Variants in SDK1 observed in about 807,000 individuals in gnomAD.
SDK1 encodes the protein sidekick cell adhesion molecule 1, also known as protein sidekick-1.
SDK1 carries 157 observed loss-of-function variants against 245.5 expected under a neutral mutation model. The ratio of observed to expected loss-of-function variants is 0.64; its 90% CI spans 0.56 to 0.73. The LOEUF (loss-of-function observed/expected upper bound fraction) is 0.73, where lower values mean the gene tolerates loss of function less well. Ranked by LOEUF, SDK1 falls within the 30% of genes least tolerant of loss-of-function variation. The probability of loss-of-function intolerance (pLI) is 0.00; values close to 1 mark genes in which losing one functional copy is unlikely to be tolerated. For missense variants in SDK1, 3,583 were observed against 3,002.3 expected, an observed-to-expected ratio of 1.19 and a Z score of -4.52; for synonymous variants, 1,647 against 1,278.5, an observed-to-expected ratio of 1.29 and a Z score of -6.15.
chr7:3,843,527 T>A (rs1181372159), intron 5 of SDK1, among the ~76,000 whole-genome samples: 1 of 152,258 alleles, frequency 6.6e-6, no homozygotes. Flanking sequence ...TATTCCTTCA[T>A]TAGTTTTAAT....
intron 5 of SDK1, among the ~76,000 whole-genome samples, chr7:3,928,743 C>T (rs1050534051): frequency 4.6e-5 from 7 of 152,186 alleles, no homozygotes; most frequent in Non-Finnish European, 7.3e-5. Flanking sequence ...CAGTACCTCA[C>T]ATGCATTCTC....
chr7:3,765,684 C>A (rs917829142), intron 4 of SDK1, among the ~76,000 whole-genome samples: 2 of 152,170 alleles, frequency 1.3e-5, no homozygotes, highest in African/African-American at 4.8e-5. Context: ...GTGTAGTCAG[C>A]CATCAGAATT....
chr7:3,767,797 C>G lies in SDK1; in HGVS notation c.714-53653C>G, dbSNP rs534971618. 1.6e-4 allele frequency among the ~76,000 whole-genome samples: 24 copies of G among 152,140 alleles called. No homozygotes were observed. In the South Asian group the frequency reaches 4.6e-3, roughly 29 times the overall value. Reference sequence around the variant, plus strand: ...CCTCAAAAAACAAACAAACAAAAAACAACTTAGGAATCATTTGGAAGGAAA... The same window carrying G: ...CCTCAAAAAACAAACAAACAAAAAAGAACTTAGGAATCATTTGGAAGGAAA... On this transcript the variant is annotated intron_variant, in intron 4 of 44. Coordinates refer to ENST00000404826, the MANE Select transcript of SDK1 (RefSeq NM_152744.4).
chr7:3,899,905 G>A (rs1007491443), intron 5 of SDK1, among the ~76,000 whole-genome samples: 1 of 152,238 alleles, frequency 6.6e-6, no homozygotes, highest in African/African-American at 2.4e-5. Context: ...CAGGCATTGT[G>A]TGGAAATCAC....
chr7:3,467,170 C>G (rs532876482), intron 1 of SDK1, among the ~76,000 whole-genome samples: 4 of 151,872 alleles, frequency 2.6e-5, no homozygotes, highest in South Asian at 2.1e-4. Flanking sequence ...TTTTTATGAT[C>G]AATAAAAATA....
chr7:4,051,607 A>G, intron 18 of SDK1, 31 bp from the exon 19 acceptor site: 8 of 1,587,312 alleles, frequency 5.0e-6, no homozygotes, highest in Non-Finnish European at 6.9e-6. Context: ...CATTGAAAAC[A>G]GGCTGTCTTT....
At position 4,119,268 on chromosome 7, in the gene SDK1, C is replaced by G. The variant is rs1472925475; in HGVS notation, c.3823+4994C>G. On this transcript the variant is annotated intron_variant, in intron 25 of 44. Coordinates refer to ENST00000404826, the MANE Select transcript of SDK1 (RefSeq NM_152744.4). The stretch of plus-strand genomic sequence containing the variant: ...GACCAGCCTGGGCAACATAGCAAGA[C>G]CCCATCTCTACAAAATAAAAATAAA... Among the ~76,000 whole-genome samples the G allele has an allele frequency of 1.4e-5, 2 of 147,894 alleles. 1 individual carries two copies. The highest frequency in any genetic ancestry group is 4.5e-4 in the South Asian group (2 of 4,430).
intron 4 of SDK1, among the ~76,000 whole-genome samples, chr7:3,816,810 C>G (rs888705074): frequency 6.6e-6 from 1 of 152,066 alleles, no homozygotes; most frequent in Non-Finnish European, 1.5e-5. Context: ...GCCTTGGAAT[C>G]AACCCTTTTA....
intron 1 of SDK1, among the ~76,000 whole-genome samples, chr7:3,403,021 G>T (rs990208072): frequency 6.6e-6 from 1 of 152,016 alleles, no homozygotes; most frequent in African/African-American, 2.4e-5. Context: ...TGCAACCTCT[G>T]CCTCCCGGGT....
At chr7:3,585,042 A>T (rs1279138730) in intron 1 of SDK1, among the ~76,000 whole-genome samples, 1 of 152,004 alleles carries the variant, frequency 6.6e-6, no homozygotes, top group East Asian at 1.9e-4. Flanking sequence ...GTTTTGAGTG[A>T]TCCACTGCCT....
intron 5 of SDK1, among the ~76,000 whole-genome samples, chr7:3,831,928 GTGGC>G (rs1204233710): frequency 6.6e-6 from 1 of 152,022 alleles, no homozygotes; most frequent in Admixed American, 6.5e-5. Context: ...GTGCATACCT[GTGGC>G]CCCAGCTGCT....
intron 4 of SDK1, among the ~76,000 whole-genome samples, chr7:3,652,237 T>C (rs1464728529): frequency 6.6e-6 from 1 of 152,200 alleles, no homozygotes; most frequent in Non-Finnish European, 1.5e-5. Context: ...GCTGGTTTTT[T>C]CTTACCATGG....
At chr7:4,027,099 C>G (rs773328132) in intron 17 of SDK1, among the ~76,000 whole-genome samples, 10 of 152,312 alleles carry the variant, frequency 6.6e-5, no homozygotes, top group East Asian at 1.9e-4. Flanking sequence ...GCAGCTCCCC[C>G]ACTGGCTGCT....
intron 1 of SDK1, among the ~76,000 whole-genome samples, chr7:3,319,013 C>G (rs1475322567): frequency 1.3e-5 from 2 of 150,772 alleles, no homozygotes; most frequent in Admixed American, 6.6e-5. Context: ...TGGGGGTGGC[C>G]TGAGGAAGGA....
intron 1 of SDK1, among the ~76,000 whole-genome samples, chr7:3,344,703 C>T (rs1780447754): frequency 6.6e-6 from 1 of 152,182 alleles, no homozygotes; most frequent in African/African-American, 2.4e-5. Flanking sequence ...ATGCTGATAG[C>T]ACGTTTCAAT....
At chr7:4,070,418 G>A (rs10248826) in intron 20 of SDK1, among the ~76,000 whole-genome samples, 5 of 152,098 alleles carry the variant, frequency 3.3e-5, no homozygotes, top group Non-Finnish European at 5.9e-5. Flanking sequence ...GAGCCACCTC[G>A]GGCTGGAGGC....
intron 5 of SDK1, among the ~76,000 whole-genome samples, chr7:3,879,515 G>T (rs372427176): frequency 1.3e-5 from 2 of 152,232 alleles, no homozygotes. Flanking sequence ...TTTTCAAGGG[G>T]CCAGGCTGTG....
At chr7:4,087,255 G>A (rs891616144) in intron 22 of SDK1, among the ~76,000 whole-genome samples, 1 of 152,076 alleles carries the variant, frequency 6.6e-6, no homozygotes. Flanking sequence ...CTACGTAATT[G>A]CCTCAGTGCC....
intron 35 of SDK1, among the ~76,000 whole-genome samples, chr7:4,182,303 G>A (rs1279779644): frequency 2.6e-5 from 4 of 152,168 alleles, no homozygotes; most frequent in Non-Finnish European, 4.4e-5. Flanking sequence ...GGTGCTTTGT[G>A]CACAGCTCTG....
Sources: gnomAD v4.1 joint callset for allele counts (sites outside exome capture counted in the v4.1 genomes callset) on GRCh38, gnomAD v4.1.1 for gene constraint, MANE v1.5 for transcripts, NCBI Gene and HGNC (gene_info 2026-07-23, HGNC 2026-07-21) for gene names.